MAGEA11: variants seen among roughly 807,000 people sequenced by gnomAD.
MAGEA11 encodes MAGE family member A11, also known as melanoma-associated antigen 11.
MAGEA11 carries 1 observed loss-of-function variant against 8.4 expected under a neutral mutation model. That is an observed-to-expected ratio of 0.12 (90% CI 0.04 to 0.57). The LOEUF (loss-of-function observed/expected upper bound fraction) is 0.57. MAGEA11 is among the 20% of genes least tolerant of loss of function. The probability of loss-of-function intolerance (pLI) is 0.91; values close to 1 mark genes in which losing one functional copy is unlikely to be tolerated. For missense variants in MAGEA11, 209 were observed against 317.3 expected (o/e 0.66, Z 2.59); for synonymous variants, 127 against 119.3 (o/e 1.06, Z -0.42).
upstream of MAGEA11, among the ~76,000 whole-genome samples, chrX:149,708,388 T>C (rs138971656): frequency 6.9e-3 from 778 of 111,946 alleles, 6 homozygotes; most frequent in African/African-American, 0.024. Flanking sequence ...TCTCACAATA[T>C]ACCCATGTAA....
intron 1 of MAGEA11, among the ~76,000 whole-genome samples, chrX:149,705,242 C>T (rs951284308): frequency 1.8e-4 from 20 of 111,938 alleles, no homozygotes; most frequent in Non-Finnish European, 3.2e-4. Context: ...CCATAATTCC[C>T]ATGTGTCGTG....
intron 1 of MAGEA11, among the ~76,000 whole-genome samples, chrX:149,703,431 G>A (rs2090362471): frequency 8.9e-6 from 1 of 112,003 alleles, no homozygotes; most frequent in Admixed American, 9.5e-5. Context: ...GCCAGGGTCA[G>A]GCACAGTGTG....
intron 1 of MAGEA11, among the ~76,000 whole-genome samples, chrX:149,698,575 T>C (rs2090339223): frequency 8.9e-6 from 1 of 111,780 alleles, no homozygotes; most frequent in Non-Finnish European, 1.9e-5. Flanking sequence ...GAACATTTTC[T>C]TCTTGGGAGA....
chrX:149,716,661 C>T lies in MAGEA11; in HGVS notation c.1175C>T (p.Ala392Val), dbSNP rs1408120666. The T allele has an allele frequency of 8.3e-7, 1 of 1,210,152 alleles. No homozygotes were observed. Among genetic ancestry groups the T allele is most frequent in the Non-Finnish European group, 1.1e-6 (1 of 895,111 alleles). The change falls in exon 5 of 5, where the codon GCT becomes GTT. Residue 392 changes from alanine (A) to valine (V), a missense_variant. Transcript: ENST00000355220. Reference protein sequence around the residue: ...YEFLWGPRAHAETSKMKVLEY... With the variant: ...YEFLWGPRAHVETSKMKVLEY... The stretch of plus-strand genomic sequence containing the variant: ...TTCCTGTGGGGTCCAAGGGCCCACG[C>T]TGAGACCAGCAAGATGAAAGTTCTT...
intron 1 of MAGEA11, among the ~76,000 whole-genome samples, chrX:149,706,421 G>C (rs1349469546): frequency 9.0e-6 from 1 of 111,593 alleles, no homozygotes; most frequent in Non-Finnish European, 1.9e-5. Flanking sequence ...AAAACTCATA[G>C]GCGCCTTAAC....
intron 1 of MAGEA11, among the ~76,000 whole-genome samples, chrX:149,702,098 A>T (rs951817235): frequency 4.5e-5 from 5 of 111,819 alleles, no homozygotes; most frequent in African/African-American, 1.6e-4. Flanking sequence ...GTGGGCTTAC[A>T]TATTGTTTAT....
intron 2 of MAGEA11, chrX:149,713,731 G>T (rs943044978): frequency 8.6e-6 from 1 of 116,588 alleles, no homozygotes; most frequent in East Asian, 2.8e-4. Flanking sequence ...TCTCAGAGAG[G>T]TGGGGCCCTT....
chrX:149,690,708 T>C (rs1309968091), intron 1 of MAGEA11, among the ~76,000 whole-genome samples: 1 of 112,358 alleles, frequency 8.9e-6, no homozygotes, highest in African/African-American at 3.2e-5. Flanking sequence ...ATATGTTTTA[T>C]ACTTATGCAT....
At position 149,715,968 on chromosome X, in the gene MAGEA11, A is replaced by T. The variant is rs2090424706; in HGVS notation, c.482A>T (p.Glu161Val). Reference sequence around the variant, plus strand: ...TCTACTCTGAATGTGGGCACTCTAGAGGAGTTGCCTGCTGCTGAGTCACCA... The same window carrying T: ...TCTACTCTGAATGTGGGCACTCTAGTGGAGTTGCCTGCTGCTGAGTCACCA... ...FSSTLNVGTL[E>V]ELPAAESPSP... The change falls in exon 5 of 5, where the codon GAG becomes GTG. Residue 161 changes from glutamate to valine, a missense_variant. This residue lies in a region of MAGEA11 where 131 missense variants were observed against 138.5 expected (regional missense o/e 0.95). Coordinates refer to ENST00000355220, the MANE Select transcript of MAGEA11 (RefSeq NM_005366.5). The T allele has an allele frequency of 2.5e-6, 3 of 1,211,373 alleles. No homozygotes were observed. Among genetic ancestry groups the T allele is most frequent in the Non-Finnish European group, 3.4e-6 (3 of 895,328 alleles).
chrX:149,708,775 T>C (rs1157208629), upstream of MAGEA11, among the ~76,000 whole-genome samples: 4 of 110,729 alleles, frequency 3.6e-5, no homozygotes, highest in Non-Finnish European at 7.6e-5. Context: ...GGTTACTGAG[T>C]TGGTTTACAT....
At position 149,716,911 on chromosome X, in the gene MAGEA11, T is replaced by A; in HGVS notation, c.*135T>A. On this transcript the variant is annotated 3_prime_UTR_variant, in exon 5 of 5. Transcript: ENST00000355220. ...TGTGTTTGATGAGAGAAGTCAGTGT[T>A]CTCAGTAGTAGAAGGCACAGTGAAT... 1 of 586,622 alleles carries A rather than the reference T, an allele frequency of 1.7e-6. No homozygotes were observed. The highest frequency in any genetic ancestry group is 2.7e-6 in the Non-Finnish European group (1 of 375,965). The allele number at this position is 586,622 out of a possible 1,213,427, so 48.3% of individuals were successfully genotyped here.
intron 1 of MAGEA11, among the ~76,000 whole-genome samples, chrX:149,701,740 T>A (rs918070009): frequency 1.8e-5 from 2 of 111,136 alleles, no homozygotes; most frequent in Non-Finnish European, 1.9e-5. Flanking sequence ...AATTAATTTT[T>A]GTATAAGGTG....
intron 1 of MAGEA11, among the ~76,000 whole-genome samples, chrX:149,704,141 G>A (rs781915719): frequency 7.1e-5 from 8 of 112,051 alleles, no homozygotes; most frequent in Non-Finnish European, 1.5e-4. Flanking sequence ...TGGTGCCAGT[G>A]AAAGCTTGAA....
chrX:149,699,710 G>A (rs2090343852), intron 1 of MAGEA11, among the ~76,000 whole-genome samples: 1 of 111,439 alleles, frequency 9.0e-6, no homozygotes, highest in Non-Finnish European at 1.9e-5. Flanking sequence ...TTCATCTTTT[G>A]GAGTAGTTTT....
At chrX:149,688,466 A>G (rs2090295660), upstream of MAGEA11, among the ~76,000 whole-genome samples, 1 of 111,651 alleles carries the variant, frequency 9.0e-6, no homozygotes, top group Admixed American at 9.5e-5. Context: ...GCACTCCAAC[A>G]TTACAACAGA....
chrX:149,715,801 C>A lies in MAGEA11; in HGVS notation c.315C>A (p.Asp105Glu). The change falls in exon 5 of 5, where the codon GAC (aspartate) becomes GAA (glutamate). Residue 105 changes from aspartate (D) to glutamate (E), a missense_variant. Coordinates refer to ENST00000355220, the MANE Select transcript of MAGEA11 (RefSeq NM_005366.5). ...TQIFPTVRPA[D>E]LTRVIMPLEQ... ...TATTTCCCACAGTTCGGCCTGCTGACCTAACCAGAGTCATCATGCCTCTTG... is the reference window on the plus strand; with the variant it reads ...TATTTCCCACAGTTCGGCCTGCTGAACTAACCAGAGTCATCATGCCTCTTG... 1 of 1,206,954 alleles carries A rather than the reference C, an allele frequency of 8.3e-7. No homozygotes were observed. The highest frequency in any genetic ancestry group is 1.1e-6 in the Non-Finnish European group (1 of 893,372).
intron 1 of MAGEA11, among the ~76,000 whole-genome samples, chrX:149,691,644 T>A (rs2090310959): frequency 8.9e-6 from 1 of 112,065 alleles, no homozygotes; most frequent in African/African-American, 3.2e-5. Flanking sequence ...TATAAAGTTT[T>A]TCACTCTGAA....
chrX:149,702,802 C>G (rs1476542724), intron 1 of MAGEA11, among the ~76,000 whole-genome samples: 2 of 111,454 alleles, frequency 1.8e-5, no homozygotes, highest in Non-Finnish European at 3.8e-5. Flanking sequence ...TTTTTCTAGT[C>G]TACCATTTTA....
intron 1 of MAGEA11, among the ~76,000 whole-genome samples, chrX:149,701,885 G>A (rs782434939): frequency 1.6e-3 from 180 of 111,487 alleles, no homozygotes; most frequent in African/African-American, 5.6e-3. Context: ...GTAGATATGC[G>A]GCGTTATTTC....
Sources: gnomAD v4.1 joint callset for allele counts (sites outside exome capture counted in the v4.1 genomes callset) on GRCh38, gnomAD v4.1.1 for gene constraint, gnomAD v4.1.1 regional missense constraint, MANE v1.5 for transcripts, NCBI Gene and HGNC (gene_info 2026-07-23, HGNC 2026-07-21) for gene names.